ELOVL6: variants seen among roughly 807,000 people sequenced by gnomAD.
The protein encoded by ELOVL6 is very long chain fatty acid elongase 6.
A neutral mutation model predicts 31.7 loss-of-function variants in ELOVL6; 8 were observed. The observed-to-expected ratio is 0.25, with a 90% CI of 0.15 to 0.45. The LOEUF (loss-of-function observed/expected upper bound fraction) is 0.45. ELOVL6 is among the 20% of genes least tolerant of loss of function. The probability of loss-of-function intolerance (pLI) is 1.00; values close to 1 mark genes in which losing one functional copy is unlikely to be tolerated. For synonymous variants in ELOVL6, 101 were observed against 117.7 expected (o/e 0.86, Z 0.92); for missense variants, 126 against 326.4 (o/e 0.39, Z 4.73).
chr4:110,163,834 G>A (rs1758696368), intron 1 of ELOVL6, among the ~76,000 whole-genome samples: 1 of 152,180 alleles, frequency 6.6e-6, no homozygotes, highest in Non-Finnish European at 1.5e-5. Flanking sequence ...ATAGAGCAAT[G>A]GGAGAACTAA....
intron 1 of ELOVL6, among the ~76,000 whole-genome samples, chr4:110,144,173 C>T (rs774957742): frequency 1.3e-5 from 2 of 152,010 alleles, no homozygotes; most frequent in African/African-American, 2.4e-5. Flanking sequence ...CTCTTTGACC[C>T]ACTAGCTAGA....
At chr4:110,078,422 G>A (rs1251438919) in intron 2 of ELOVL6, among the ~76,000 whole-genome samples, 1 of 152,168 alleles carries the variant, frequency 6.6e-6, no homozygotes, top group Non-Finnish European at 1.5e-5. Flanking sequence ...AGAAGAGAGT[G>A]GGGGCCAATA....
chr4:110,160,168 G>A (rs1443973614), intron 1 of ELOVL6, among the ~76,000 whole-genome samples: 1 of 151,978 alleles, frequency 6.6e-6, no homozygotes, highest in East Asian at 1.9e-4. Context: ...GTGTATCTTG[G>A]AGATCTTTCC....
intron 1 of ELOVL6, among the ~76,000 whole-genome samples, chr4:110,147,982 C>T (rs1025343587): frequency 1.3e-5 from 2 of 151,988 alleles, no homozygotes; most frequent in South Asian, 2.1e-4. Context: ...GGTGTGGTGG[C>T]GCATGCCTGT....
intron 1 of ELOVL6, among the ~76,000 whole-genome samples, chr4:110,123,842 A>G (rs1757419870): frequency 6.6e-6 from 1 of 152,252 alleles, no homozygotes; most frequent in Non-Finnish European, 1.5e-5. Context: ...TTCTCCTTTC[A>G]GTAACTTTTC....
At chr4:110,135,518 T>C (rs933743462) in intron 1 of ELOVL6, among the ~76,000 whole-genome samples, 4 of 152,242 alleles carry the variant, frequency 2.6e-5, no homozygotes, top group African/African-American at 4.8e-5. Context: ...TGAAGCTCAA[T>C]AGGAACACTT....
At chr4:110,099,614 A>G (rs1325029469) in intron 2 of ELOVL6, among the ~76,000 whole-genome samples, 2 of 152,190 alleles carry the variant, frequency 1.3e-5, no homozygotes, top group Admixed American at 6.5e-5. Flanking sequence ...TCTTTTTATA[A>G]TGTACACTAA....
At chr4:110,149,543 T>G (rs1758224817) in intron 1 of ELOVL6, among the ~76,000 whole-genome samples, 1 of 152,184 alleles carries the variant, frequency 6.6e-6, no homozygotes, top group Non-Finnish European at 1.5e-5. Flanking sequence ...AAATACCACA[T>G]GTTCTCACAA....
intron 1 of ELOVL6, among the ~76,000 whole-genome samples, chr4:110,126,196 G>T (rs573021563): frequency 9.9e-5 from 15 of 152,048 alleles, no homozygotes; most frequent in African/African-American, 3.6e-4. Context: ...GGCATGTACC[G>T]CCATGCCCAG....
At chr4:110,085,593 T>C (rs540469859) in intron 2 of ELOVL6, among the ~76,000 whole-genome samples, 27 of 152,328 alleles carry the variant, frequency 1.8e-4, no homozygotes, top group Admixed American at 1.5e-3. Flanking sequence ...TAAGAGTCCC[T>C]GGACTCTGGT....
intron 3 of ELOVL6, among the ~76,000 whole-genome samples, chr4:110,053,375 G>A (rs1227703860): frequency 6.6e-6 from 1 of 152,208 alleles, no homozygotes; most frequent in African/African-American, 2.4e-5. Flanking sequence ...CTGGACTATG[G>A]GGAAAGACTT....
intron 1 of ELOVL6, among the ~76,000 whole-genome samples, chr4:110,150,333 C>T (rs958878569): frequency 1.3e-5 from 2 of 152,146 alleles, no homozygotes; most frequent in African/African-American, 4.8e-5. Flanking sequence ...AACAGACAGG[C>T]GACAAGAAAT....
intron 2 of ELOVL6, among the ~76,000 whole-genome samples, chr4:110,065,751 A>G (rs903025512): frequency 6.6e-6 from 1 of 152,220 alleles, no homozygotes; most frequent in Non-Finnish European, 1.5e-5. Context: ...TCCATCTGTA[A>G]GTCAAAATGG....
intron 1 of ELOVL6, among the ~76,000 whole-genome samples, chr4:110,188,210 C>G (rs546601526): frequency 5.3e-5 from 8 of 152,158 alleles, no homozygotes; most frequent in Non-Finnish European, 5.9e-5. Context: ...AAATTAATAT[C>G]ACAGAGCAGA....
chr4:110,087,040 C>G (rs924852772), intron 2 of ELOVL6, among the ~76,000 whole-genome samples: 1 of 152,050 alleles, frequency 6.6e-6, no homozygotes, highest in Non-Finnish European at 1.5e-5. Context: ...TAGGGAAACA[C>G]CTGTCACTGT....
intron 1 of ELOVL6, among the ~76,000 whole-genome samples, chr4:110,110,566 T>G (rs913431651): frequency 6.6e-6 from 1 of 151,882 alleles, no homozygotes; most frequent in Non-Finnish European, 1.5e-5. Context: ...CCTGATTCTT[T>G]TAATTTTTTT....
intron 2 of ELOVL6, among the ~76,000 whole-genome samples, chr4:110,084,076 C>A (rs373975651): frequency 0.13 from 2,076 of 16,500 alleles, 313 homozygotes; most frequent in East Asian, 0.28. Flanking sequence ...CATATATATG[C>A]TATATATGAT....
chr4:110,120,462 T>C (rs191499154), intron 1 of ELOVL6, among the ~76,000 whole-genome samples: 1 of 152,164 alleles, frequency 6.6e-6, no homozygotes, highest in Admixed American at 6.5e-5. Context: ...TAACAATAGT[T>C]AAAAAGTATT....
At chr4:110,107,448 T>G (rs1756919641) in intron 1 of ELOVL6, among the ~76,000 whole-genome samples, 1 of 152,142 alleles carries the variant, frequency 6.6e-6, no homozygotes, top group Non-Finnish European at 1.5e-5. Context: ...AGTTGTACTT[T>G]CCCCGTAATA....
Sources: allele counts gnomAD v4.1 joint callset (sites outside exome capture counted in the v4.1 genomes callset), GRCh38; gene constraint gnomAD v4.1.1; transcripts MANE v1.5; gene names NCBI Gene and HGNC (gene_info 2026-07-23, HGNC 2026-07-21).